Variants in DCAF5 observed in about 807,000 individuals in gnomAD.
The protein encoded by DCAF5 is DDB1- and CUL4-associated factor 5.
Under a neutral mutation model 80.7 loss-of-function variants are expected in DCAF5, and 9 were observed. The ratio of observed to expected loss-of-function variants is 0.11; its 90% CI spans 0.07 to 0.19. The LOEUF (loss-of-function observed/expected upper bound fraction) is 0.19, where lower values mean the gene tolerates loss of function less well. Among genes scored for constraint, DCAF5 ranks in the 10% least tolerant of loss-of-function variants. The probability of loss-of-function intolerance (pLI) is 1.00; values close to 1 mark genes in which losing one functional copy is unlikely to be tolerated. For missense variants in DCAF5, 842 were observed against 1,205.7 expected, an observed-to-expected ratio of 0.70 and a Z score of 4.47; for synonymous variants, 433 against 461.9, an observed-to-expected ratio of 0.94 and a Z score of 0.80.
rs768111443 is a variant in DCAF5 at position 69,091,667 on chromosome 14, C to A, written c.879+7G>T. 6.2e-7 allele frequency: 1 copy of A among 1,613,118 alleles called. No individual in the cohort carries two copies. Among genetic ancestry groups the A allele is most frequent in the East Asian group, 2.2e-5 (1 of 44,868 alleles). Reference sequence around the variant, plus strand: ...AGTGTGAGATGCAGGAGGCAGACAGCATTTACCTGGTCACGATCTCCTGCA... The same window carrying A: ...AGTGTGAGATGCAGGAGGCAGACAGAATTTACCTGGTCACGATCTCCTGCA... On this transcript the variant is annotated splice_region_variant and intron_variant, in intron 6 of 8. Coordinates refer to ENST00000341516, the MANE Select transcript of DCAF5 (RefSeq NM_003861.3).
intron 1 of DCAF5, among the ~76,000 whole-genome samples, chr14:69,141,904 A>G (rs1230344842): frequency 6.6e-6 from 1 of 152,140 alleles, no homozygotes; most frequent in Admixed American, 6.5e-5. Context: ...TATAACTTTC[A>G]TTTTTTAAAT....
At chr14:69,130,213 G>A (rs1008814042) in intron 1 of DCAF5, among the ~76,000 whole-genome samples, 96 of 152,224 alleles carry the variant, frequency 6.3e-4, no homozygotes, top group African/African-American at 2.3e-3. Context: ...TGAGAAAGCA[G>A]TCTGAAATTC....
chr14:69,152,653 G>A lies in DCAF5; in HGVS notation c.214+112C>T, dbSNP rs2041744040. 11 of 753,752 alleles carry A rather than the reference G, an allele frequency of 1.5e-5. No homozygotes were observed. In the South Asian group the frequency reaches 1.7e-4, roughly 12 times the overall value. The allele number at this position is 753,752 out of a possible 1,614,324, so 46.7% of individuals were successfully genotyped here. ...AACCTTCCCACCGCAGAAGGGGGTA[G>A]AGAAAGGGAGGGGGTGGGGACAGAG... On this transcript the variant is annotated intron_variant, in intron 1 of 8. Coordinates refer to ENST00000341516, the MANE Select transcript of DCAF5 (RefSeq NM_003861.3). This position sits in a 1 kb window ranked among gnomAD's most constrained non-coding sequence, Gnocchi z 4.1.
At chr14:69,144,550 C>A (rs1595069095) in intron 1 of DCAF5, among the ~76,000 whole-genome samples, 1 of 150,218 alleles carries the variant, frequency 6.7e-6, no homozygotes, top group Non-Finnish European at 1.5e-5. Flanking sequence ...GCACTCCAGC[C>A]GGGGCGACAG....
At chr14:69,149,320 T>G (rs539935660) in intron 1 of DCAF5, 6 of 152,344 alleles carry the variant, frequency 3.9e-5, no homozygotes, top group African/African-American at 1.4e-4. Context: ...GATGCCCCTT[T>G]CTGGTCATAA....
chr14:69,132,763 G>A (rs887971584), intron 1 of DCAF5, among the ~76,000 whole-genome samples: 3 of 152,096 alleles, frequency 2.0e-5, no homozygotes, highest in African/African-American at 4.8e-5. Context: ...TAGTCTCCAC[G>A]TAGTAAGACA....
chr14:69,088,751 G>A (rs1338716453), intron 6 of DCAF5, among the ~76,000 whole-genome samples: 1 of 152,204 alleles, frequency 6.6e-6, no homozygotes, highest in African/African-American at 2.4e-5. Flanking sequence ...GGCTGTGGGT[G>A]TTCTCAGAGC....
At chr14:69,078,593 C>T (rs1221600073) in intron 6 of DCAF5, among the ~76,000 whole-genome samples, 2 of 152,226 alleles carry the variant, frequency 1.3e-5, no homozygotes, top group East Asian at 1.9e-4. Context: ...GAAGGAAATT[C>T]TGACACATGC....
chr14:69,113,890 A>C (rs2040454512), intron 5 of DCAF5, among the ~76,000 whole-genome samples: 1 of 152,176 alleles, frequency 6.6e-6, no homozygotes, highest in African/African-American at 2.4e-5. Context: ...CCTAGTCCCC[A>C]TGGCACTATG....
intron 5 of DCAF5, among the ~76,000 whole-genome samples, chr14:69,102,263 C>A (rs2039979630): frequency 6.6e-6 from 1 of 151,866 alleles, no homozygotes; most frequent in Non-Finnish European, 1.5e-5. Flanking sequence ...CACACGTCAC[C>A]ATGCCCGGCT....
At chr14:69,121,053 C>T (rs2040703297) in intron 2 of DCAF5, among the ~76,000 whole-genome samples, 1 of 152,144 alleles carries the variant, frequency 6.6e-6, no homozygotes, top group Non-Finnish European at 1.5e-5. Flanking sequence ...ACACCATGAA[C>T]AAAAGGCACA....
chr14:69,111,890 T>C (rs2040380581), intron 5 of DCAF5, among the ~76,000 whole-genome samples: 2 of 152,188 alleles, frequency 1.3e-5, no homozygotes, highest in Admixed American at 1.3e-4. Context: ...CTAAAATCCC[T>C]AAAGCAGAAC....
Position 69,054,197 on chromosome 14 carries a change from G to A in DCAF5, c.2489C>T (p.Ala830Val). Reference protein sequence around the residue: ...SEERSLETICANHNNGRLHPR... With the variant: ...SEERSLETICVNHNNGRLHPR... ...GTGTAAGCGTCCATTGTTGTGGTTG[G>A]CACAGATGGTTTCGAGGCTCCTCTC... Residue 830 changes from alanine to valine, a missense_variant, in exon 9 of 9, where the codon GCC (alanine) becomes GTC (valine). Transcript: ENST00000341516. 6.2e-7 allele frequency: 1 copy of A among 1,614,218 alleles called. No individual in the cohort carries two copies. Among genetic ancestry groups the A allele is most frequent in the Non-Finnish European group, 8.5e-7 (1 of 1,180,050 alleles).
intron 1 of DCAF5, among the ~76,000 whole-genome samples, chr14:69,133,754 T>C (rs2041110777): frequency 6.6e-6 from 1 of 152,166 alleles, no homozygotes. Flanking sequence ...ATGAGGTAAG[T>C]AGAACAGAAA....
intron 1 of DCAF5, among the ~76,000 whole-genome samples, chr14:69,123,361 G>C (rs1399721094): frequency 6.6e-6 from 1 of 151,966 alleles, no homozygotes; most frequent in Non-Finnish European, 1.5e-5. Context: ...TTGACAGTAT[G>C]CTTATACTCG....
chr14:69,073,747 C>T (rs1391435947), intron 7 of DCAF5, among the ~76,000 whole-genome samples: 1 of 152,156 alleles, frequency 6.6e-6, no homozygotes, highest in Non-Finnish European at 1.5e-5. Context: ...ACGTGAAAAA[C>T]ATTCCAGAGA....
chr14:69,148,091 C>G (rs1052014176), intron 1 of DCAF5, among the ~76,000 whole-genome samples: 1 of 113,216 alleles, frequency 8.8e-6, no homozygotes, highest in African/African-American at 3.3e-5. Context: ...AAAAGATGTT[C>G]ATTTTCTTCG....
chr14:69,152,680 G>T lies in DCAF5; in HGVS notation c.214+85C>A. On this transcript the variant is annotated intron_variant, in intron 1 of 8. Coordinates refer to ENST00000341516, the MANE Select transcript of DCAF5 (RefSeq NM_003861.3). This position sits in a 1 kb window ranked among gnomAD's most constrained non-coding sequence, Gnocchi z 4.1. ...GAAAGGGAGGGGGTGGGGACAGAGG[G>T]CAGGAGGAGGGTGACGGGGGAGAGC... is the stretch of plus-strand genomic sequence containing the variant. 1 of 1,010,494 alleles carries T rather than the reference G, an allele frequency of 9.9e-7. No individual in the cohort carries two copies. The highest frequency in any genetic ancestry group is 1.5e-6 in the Non-Finnish European group (1 of 683,418). The allele number at this position is 1,010,494 out of a possible 1,614,324, so 62.6% of individuals were successfully genotyped here.
intron 6 of DCAF5, among the ~76,000 whole-genome samples, chr14:69,086,871 A>G (rs1341346993): frequency 1.3e-5 from 2 of 152,160 alleles, no homozygotes; most frequent in Non-Finnish European, 2.9e-5. Flanking sequence ...GGGCCTTGCC[A>G]TCTATCAAGT....
Sources: gnomAD v4.1 joint callset for allele counts (sites outside exome capture counted in the v4.1 genomes callset) on GRCh38, gnomAD v4.1.1 for gene constraint, Gnocchi (gnomAD v3.1) non-coding constraint, MANE v1.5 for transcripts, NCBI Gene and HGNC (gene_info 2026-07-23, HGNC 2026-07-21) for gene names.